The following ACOX3 variants were observed in gnomAD, a reference collection of about 807,000 sequenced individuals.
ACOX3 encodes acyl-CoA oxidase 3, pristanoyl.
ACOX3 carries 73 observed loss-of-function variants against 81.5 expected under a neutral mutation model. The ratio of observed to expected loss-of-function variants is 0.90; its 90% CI spans 0.74 to 1.09. ACOX3 has a LOEUF of 1.09. Ranked by LOEUF, ACOX3 falls within the 50% of genes least tolerant of loss-of-function variation. ACOX3 has a pLI of 0.00. For missense variants in ACOX3, 947 were observed against 928.0 expected, an observed-to-expected ratio of 1.02 and a Z score of -0.27; for synonymous variants, 387 against 375.1, an observed-to-expected ratio of 1.03 and a Z score of -0.37.
At position 8,431,726 on chromosome 4, in the gene ACOX3, C is replaced by T. The variant is rs1037497260; in HGVS notation, c.-15+8922G>A. Among the ~76,000 whole-genome samples, 5 of 152,212 alleles carry T rather than the reference C, an allele frequency of 3.3e-5. No homozygotes were observed. Among genetic ancestry groups the T allele is most frequent in the South Asian group, 2.1e-4 (1 of 4,826 alleles). On this transcript the variant is annotated intron_variant, in intron 1 of 17. Coordinates refer to ENST00000356406, the MANE Select transcript of ACOX3 (RefSeq NM_003501.3). The surrounding 1 kb of genome is among the most constrained non-coding windows in gnomAD (Gnocchi z 5.3). Reference sequence around the variant, plus strand: ...CAGTAACTCAGTGGACAATGACCCACGGGAGCACTGCCATAGGGCCTCACC... The same window carrying T: ...CAGTAACTCAGTGGACAATGACCCATGGGAGCACTGCCATAGGGCCTCACC...
rs80153878 is a variant in ACOX3, at chr4:8,381,231, C to T, written c.1653+261G>A. On this transcript the variant is annotated intron_variant, in intron 14 of 17. Coordinates refer to ENST00000356406, the MANE Select transcript of ACOX3 (RefSeq NM_003501.3). This position sits in a 1 kb window ranked among gnomAD's most constrained non-coding sequence, Gnocchi z 4.3. ...AGGCTCTCACAACCCAGAGCTTCAC[C>T]GCTCTGGTTTACGGGCTGGGAACCG... 3.1e-3 allele frequency among the ~76,000 whole-genome samples: 473 copies of T among 152,284 alleles called. 4 individuals carry two copies. Among genetic ancestry groups the T allele is most frequent in the African/African-American group, 0.011 (451 of 41,560 alleles).
At chr4:8,373,494 G>T in intron 16 of ACOX3, 67 bp downstream of exon 16, 2 of 1,521,182 alleles carry the variant, frequency 1.3e-6, no homozygotes, top group East Asian at 2.3e-5. Context: ...GATGCTAAGG[G>T]GATGCGTGTC....
rs909959201 is a variant in ACOX3, at chr4:8,394,877, T to G, written c.1057-135A>C. The stretch of plus-strand genomic sequence containing the variant: ...CACTAGCGCTGAAGGTCTTCACATG[T>G]CTTCCCGGCACATCAGAAAGCCTTC... On this transcript the variant is annotated intron_variant, in intron 9 of 17. Transcript: ENST00000356406. The surrounding 1 kb of genome is among the most constrained non-coding windows in gnomAD (Gnocchi z 5.9). The G allele has an allele frequency of 1.7e-6, 2 of 1,205,346 alleles. No homozygotes were observed. The highest frequency in any genetic ancestry group is 3.1e-5 in the African/African-American group (2 of 64,894). 74.7% of individuals were successfully genotyped at this position (1,205,346 alleles called of 1,614,324 possible).
intron 1 of ACOX3, among the ~76,000 whole-genome samples, chr4:8,425,912 T>C (rs976842283): frequency 6.6e-6 from 1 of 152,090 alleles, no homozygotes; most frequent in African/African-American, 2.4e-5. Context: ...ACACTGCGCC[T>C]GGAGGCCACA....
At chr4:8,433,608 G>A (rs909829127) in intron 1 of ACOX3, among the ~76,000 whole-genome samples, 5 of 152,234 alleles carry the variant, frequency 3.3e-5, no homozygotes, top group Non-Finnish European at 7.3e-5. Flanking sequence ...GAGCCAGTGT[G>A]TCTGGGAGGA....
At position 8,414,957 on chromosome 4, in the gene ACOX3, G is replaced by A. The variant is rs1722157444; in HGVS notation, c.379-29C>T. On this transcript the variant is annotated intron_variant, in intron 3 of 17. Coordinates refer to ENST00000356406, the MANE Select transcript of ACOX3 (RefSeq NM_003501.3). This position sits in a 1 kb window ranked among gnomAD's most constrained non-coding sequence, Gnocchi z 6.1. ...AAAGTATAACATCGTCCTATCAACA[G>A]GGGGCAGGTAAGAAGAGTACTGCTC... 1.9e-6 allele frequency: 3 copies of A among 1,604,814 alleles called. No individual in the cohort carries two copies. Among genetic ancestry groups the A allele is most frequent in the African/African-American group, 1.3e-5 (1 of 74,856 alleles).
chr4:8,358,176 G>A, the ACOX3 span: 2 of 152,218 alleles, frequency 1.3e-5, no homozygotes, highest in Non-Finnish European at 2.9e-5. Flanking sequence ...ATGTTGAAAT[G>A]GCCCTTGCAA....
At chr4:8,421,158 G>A (rs1183735842) in intron 1 of ACOX3, among the ~76,000 whole-genome samples, 3 of 152,196 alleles carry the variant, frequency 2.0e-5, no homozygotes, top group African/African-American at 7.2e-5. Flanking sequence ...ATTCTCCAAA[G>A]CGGTGAGTAA....
chr4:8,403,830 T>C (rs932269338), intron 7 of ACOX3, among the ~76,000 whole-genome samples: 1 of 152,308 alleles, frequency 6.6e-6, no homozygotes, highest in Middle Eastern at 3.4e-3. Context: ...AAGCCTCTCA[T>C]TCATGAAACT....
rs527574604 is a variant in ACOX3 at position 8,384,835 on chromosome 4, C to T, written c.1538-3228G>A. Among the ~76,000 whole-genome samples the T allele has an allele frequency of 5.5e-3, 844 of 152,282 alleles. 6 individuals are homozygous for T. The highest frequency in any genetic ancestry group is 0.019 in the African/African-American group (804 of 41,558). ...CAACTCCTCAGCCAGATCACAGGCC[C>T]GGGTCTGACCATGCCCGCCGCTCTG... is the stretch of plus-strand genomic sequence containing the variant. On this transcript the variant is annotated intron_variant, in intron 13 of 17. Coordinates refer to ENST00000356406, the MANE Select transcript of ACOX3 (RefSeq NM_003501.3). This position sits in a 1 kb window ranked among gnomAD's most constrained non-coding sequence, Gnocchi z 5.3.
chr4:8,440,002 A>T (rs545234569), intron 1 of ACOX3, among the ~76,000 whole-genome samples: 135 of 152,344 alleles, frequency 8.9e-4, no homozygotes, highest in Middle Eastern at 3.4e-3. Context: ...GAGTTAAAAA[A>T]AATAATAATA....
Position 8,389,187 on chromosome 4 carries a change from C to A in ACOX3, c.1523G>T (p.Cys508Phe). 2 of 1,613,780 alleles carry A rather than the reference C, an allele frequency of 1.2e-6. No individual in the cohort carries two copies. The highest frequency in any genetic ancestry group is 1.7e-6 in the Non-Finnish European group (2 of 1,179,862). Residue 508 changes from cysteine (C) to phenylalanine (F), a missense_variant, in exon 13 of 18, where the codon TGC (cysteine) becomes TTC (phenylalanine). Coordinates refer to ENST00000356406, the MANE Select transcript of ACOX3 (RefSeq NM_003501.3). This position sits in a 1 kb window ranked among gnomAD's most constrained non-coding sequence, Gnocchi z 5.3. ...QKFEVSSVAD[C>F]LDSAVALAAY... ...TGTGTGTTTACCTGCAGAGTCCAAGCAGTCGGCAACACTGGAGACCTCAAA... is the reference window on the plus strand; with the variant it reads ...TGTGTGTTTACCTGCAGAGTCCAAGAAGTCGGCAACACTGGAGACCTCAAA...
At position 8,414,490 on chromosome 4, in the gene ACOX3, C is replaced by T; in HGVS notation, c.454-109G>A. On this transcript the variant is annotated intron_variant, in intron 4 of 17. Transcript: ENST00000356406. This position sits in a 1 kb window ranked among gnomAD's most constrained non-coding sequence, Gnocchi z 6.1. ...TTAAAGATGAAACCACATATCAAAG[C>T]CCCAAATTTCCATCTACCCAACTAG... is the stretch of plus-strand genomic sequence containing the variant. 1 of 1,008,584 alleles carries T rather than the reference C, an allele frequency of 9.9e-7. No individual in the cohort carries two copies. The highest frequency in any genetic ancestry group is 1.4e-5 in the South Asian group (1 of 70,584). 62.5% of individuals were successfully genotyped at this position (1,008,584 alleles called of 1,614,324 possible). A position where few individuals can be genotyped will look rare whatever the true frequency, so the allele number is the denominator to read the frequency against.
At chr4:8,374,490 G>GGAAAAAC (rs1716669073) in intron 15 of ACOX3, 1 of 154,222 alleles carries the variant, frequency 6.5e-6, no homozygotes, top group Non-Finnish European at 1.4e-5. Flanking sequence ...CCAGCCATTG[G>GGAAAAAC]GAAAAACCAC....
chr4:8,360,541 G>A, the ACOX3 span, among the ~76,000 whole-genome samples: 3 of 151,024 alleles, frequency 2.0e-5, no homozygotes, highest in Non-Finnish European at 2.9e-5. Context: ...GTGCGATCTC[G>A]GCTCATTGCA....
chr4:8,400,349 C>T lies in ACOX3; in HGVS notation c.777-697G>A, dbSNP rs62286037. ...AACTCCAGATATTCAACAGAAAAGA[C>T]GGGAACTGTGTTTCCAAAGATTGGA... On this transcript the variant is annotated intron_variant, in intron 7 of 17. Transcript: ENST00000356406. The surrounding 1 kb of genome is among the most constrained non-coding windows in gnomAD (Gnocchi z 4.4). Among the ~76,000 whole-genome samples, 4,747 of 152,122 alleles carry T rather than the reference C, an allele frequency of 0.031. 78 individuals are homozygous for T. Among genetic ancestry groups the T allele is most frequent in the South Asian group, 0.041 (196 of 4,816 alleles).
At chr4:8,415,118 C>T (rs1410303063) in intron 3 of ACOX3, among the ~76,000 whole-genome samples, 190 bp from the exon 4 acceptor site, 4 of 152,384 alleles carry the variant, frequency 2.6e-5, no homozygotes, top group African/African-American at 7.2e-5. Context: ...GCCAGGGTCT[C>T]CTGACACACA....
Position 8,410,346 on chromosome 4 carries a change from T to A in ACOX3, c.553A>T (p.Ile185Leu), listed in dbSNP as rs1666597211. Residue 185 changes from isoleucine to leucine, a missense_variant, in exon 6 of 18, where the codon ATA becomes TTA. By Grantham distance (5) the Ile-to-Leu change is conservative. Coordinates refer to ENST00000356406, the MANE Select transcript of ACOX3 (RefSeq NM_003501.3). ...HYDPATEEFI[I>L]HSPDFEAAKF... The stretch of plus-strand genomic sequence containing the variant: ...GCAGCTTCGAAATCAGGGGAATGTA[T>A]GATGAATTCCTGCACAAGGGAAAAT... The A allele has an allele frequency of 1.1e-5, 17 of 1,614,062 alleles. No homozygotes were observed. Among genetic ancestry groups the A allele is most frequent in the Non-Finnish European group, 1.4e-5 (17 of 1,179,912 alleles).
chr4:8,416,323 C>T lies in ACOX3; in HGVS notation c.144+55G>A, dbSNP rs373698932. 7.6e-5 allele frequency: 122 copies of T among 1,612,868 alleles called. No individual in the cohort carries two copies. In the East Asian group the frequency reaches 1.3e-3, roughly 17 times the overall value. ...AGAGCCAGAAATCCCATTCTGCTAA[C>T]GAACTAAGACCCCACTGGGAAAAAA... On this transcript the variant is annotated intron_variant, in intron 2 of 17. Coordinates refer to ENST00000356406, the MANE Select transcript of ACOX3 (RefSeq NM_003501.3). This position sits in a 1 kb window ranked among gnomAD's most constrained non-coding sequence, Gnocchi z 4.2.
Sources: allele counts gnomAD v4.1 joint callset (sites outside exome capture counted in the v4.1 genomes callset), GRCh38; gene constraint gnomAD v4.1.1; non-coding constraint Gnocchi (gnomAD v3.1); transcripts MANE v1.5; gene names NCBI Gene and HGNC (gene_info 2026-07-23, HGNC 2026-07-21).